The following ATP1B3 variants were observed in gnomAD, a reference collection of about 807,000 sequenced individuals.
The protein encoded by ATP1B3 is ATPase Na+/K+ transporting subunit beta 3.
In ATP1B3, 10 loss-of-function variants were observed where a neutral mutation model predicts 30.2. That is an observed-to-expected ratio of 0.33 (90% CI 0.20 to 0.56). The LOEUF (loss-of-function observed/expected upper bound fraction) is 0.56. Among genes scored for constraint, ATP1B3 ranks in the 20% least tolerant of loss-of-function variants. The probability of loss-of-function intolerance (pLI) is 0.90; values close to 1 mark genes in which losing one functional copy is unlikely to be tolerated. For synonymous variants in ATP1B3, 113 were observed against 117.0 expected, an observed-to-expected ratio of 0.97 and a Z score of 0.22; for missense variants, 238 against 336.7, an observed-to-expected ratio of 0.71 and a Z score of 2.29.
At chr3:141,920,463 G>T (rs1934546700) in intron 5 of ATP1B3, among the ~76,000 whole-genome samples, 1 of 151,772 alleles carries the variant, frequency 6.6e-6, no homozygotes, top group Non-Finnish European at 1.5e-5. Context: ...GGAGGAGGAG[G>T]CTGCAGTGAG....
intron 3 of ATP1B3, among the ~76,000 whole-genome samples, chr3:141,909,688 T>G (rs1161667662): frequency 6.6e-6 from 1 of 152,198 alleles, no homozygotes; most frequent in Non-Finnish European, 1.5e-5. Context: ...AGACTGAGGT[T>G]AGGGAGTTAA....
At position 141,926,396 on chromosome 3, in the gene ATP1B3, A is replaced by G. The variant is rs1934662112; in HGVS notation, c.*695A>G. 1 of 152,156 alleles carries G rather than the reference A, an allele frequency of 6.6e-6. No homozygotes were observed. The highest frequency in any genetic ancestry group is 2.1e-4 in the South Asian group (1 of 4,828). The allele number at this position is 152,156 out of a possible 1,614,324, so 9.4% of individuals were successfully genotyped here. On this transcript the variant is annotated 3_prime_UTR_variant, in exon 7 of 7. Coordinates refer to ENST00000286371, the MANE Select transcript of ATP1B3 (RefSeq NM_001679.4). ...GGTTAGCCAGTGTGACTATGCACCT[A>G]ATTTTTTATGAGATTAAATTCATAA... is the stretch of plus-strand genomic sequence containing the variant.
chr3:141,891,531 A>C (rs977467293), intron 1 of ATP1B3, among the ~76,000 whole-genome samples: 13 of 152,116 alleles, frequency 8.5e-5, no homozygotes, highest in African/African-American at 3.1e-4. Context: ...ACATTTACTA[A>C]TTGAAAACAC....
At chr3:141,907,783 G>A (rs1226224088) in intron 3 of ATP1B3, among the ~76,000 whole-genome samples, 1 of 152,034 alleles carries the variant, frequency 6.6e-6, no homozygotes, top group Non-Finnish European at 1.5e-5. Flanking sequence ...TCTAACTATA[G>A]AAAGACACAG....
At chr3:141,921,830 C>G (rs768374631) in intron 5 of ATP1B3, 147 bp from the exon 6 acceptor site, 17 of 500,330 alleles carry the variant, frequency 3.4e-5, no homozygotes, top group Non-Finnish European at 5.7e-5. Flanking sequence ...AGCTTCTTCT[C>G]AGAAATACAC....
chr3:141,906,906 A>T (rs1934274161), intron 2 of ATP1B3, among the ~76,000 whole-genome samples: 1 of 152,258 alleles, frequency 6.6e-6, no homozygotes, highest in African/African-American at 2.4e-5. Context: ...TCTTTTAAAA[A>T]GGAAGATTAT....
chr3:141,916,506 A>G, intron 5 of ATP1B3: 1 of 1,250,574 alleles, frequency 8.0e-7, no homozygotes, highest in Non-Finnish European at 1.0e-6. Flanking sequence ...TGCAGTTTTC[A>G]TCTCATAACT....
At chr3:141,915,096 AT>A (rs752418640) in intron 4 of ATP1B3, among the ~76,000 whole-genome samples, 13 of 152,204 alleles carry the variant, frequency 8.5e-5, no homozygotes, top group Non-Finnish European at 1.6e-4. Context: ...ATTGCTGAAC[AT>A]TTGTTCCCAG....
chr3:141,914,795 GC>G (rs1934426858), intron 4 of ATP1B3, among the ~76,000 whole-genome samples: 1 of 152,204 alleles, frequency 6.6e-6, no homozygotes, highest in African/African-American at 2.4e-5. Context: ...GGGAGAACCA[GC>G]TAGGCCCTGA....
chr3:141,881,328 GTATTAA>G (rs1933722499), intron 1 of ATP1B3, among the ~76,000 whole-genome samples: 1 of 152,082 alleles, frequency 6.6e-6, no homozygotes. Context: ...TAAATGCTTT[GTATTAA>G]TATTAACTTA....
At chr3:141,896,050 G>C in intron 1 of ATP1B3, among the ~76,000 whole-genome samples, 1 of 152,080 alleles carries the variant, frequency 6.6e-6, no homozygotes, top group East Asian at 1.9e-4. Context: ...TCTTTTGCCT[G>C]CTTCAAAAAA....
intron 1 of ATP1B3, chr3:141,902,235 G>C (rs552878376): frequency 6.4e-6 from 8 of 1,249,770 alleles, no homozygotes; most frequent in South Asian, 3.8e-5. Flanking sequence ...CTGGTAATTG[G>C]GGGGGAGGGG....
At chr3:141,915,892 T>C in intron 4 of ATP1B3, 78 bp from the exon 5 acceptor site, 1 of 1,145,512 alleles carries the variant, frequency 8.7e-7, no homozygotes, top group Non-Finnish European at 1.3e-6. Flanking sequence ...CTTCACCCCT[T>C]GTTCCCAGCA....
intron 5 of ATP1B3, among the ~76,000 whole-genome samples, chr3:141,917,320 G>T (rs1430934135): frequency 4.6e-5 from 7 of 151,984 alleles, no homozygotes; most frequent in African/African-American, 1.7e-4. Context: ...TTCTCATCTG[G>T]GTTGAAATTA....
intron 1 of ATP1B3, among the ~76,000 whole-genome samples, chr3:141,891,480 ATTT>A (rs936742326): frequency 2.6e-5 from 4 of 152,188 alleles, no homozygotes; most frequent in Non-Finnish European, 5.9e-5. Flanking sequence ...TGGTTTGAAC[ATTT>A]TAATTTTCCT....
rs138906249 is a variant in ATP1B3 at position 141,880,976 on chromosome 3, G to A, written c.109+4066G>A. On this transcript the variant is annotated intron_variant, in intron 1 of 6. Transcript: ENST00000286371. ...TCCCAGCACTTTGGGAGACTGAGGC[G>A]GGCGGATCACCTGAAGTCAGAGTTC... is the stretch of plus-strand genomic sequence containing the variant. Among the ~76,000 whole-genome samples the A allele has an allele frequency of 1.2e-3, 185 of 152,246 alleles. 2 individuals are homozygous for A. The highest frequency in any genetic ancestry group is 4.4e-3 in the African/African-American group (181 of 41,554).
At chr3:141,917,598 G>T (rs2107778326) in intron 5 of ATP1B3, among the ~76,000 whole-genome samples, 1 of 151,914 alleles carries the variant, frequency 6.6e-6, no homozygotes, top group South Asian at 2.1e-4. Flanking sequence ...GGAGACGGAG[G>T]CAAAGGAACC....
intron 1 of ATP1B3, among the ~76,000 whole-genome samples, chr3:141,885,488 GC>G (rs1291761485): frequency 6.6e-6 from 1 of 151,142 alleles, no homozygotes; most frequent in Admixed American, 6.6e-5. Flanking sequence ...CGCTCTTGTT[GC>G]CAAGGCTGGA....
intron 2 of ATP1B3, among the ~76,000 whole-genome samples, chr3:141,904,699 C>CA (rs1934231011): frequency 7.9e-6 from 1 of 126,862 alleles, no homozygotes; most frequent in Non-Finnish European, 1.7e-5. Context: ...TCTTTTTAAA[C>CA]AGTCTTTTTT....
Sources: gnomAD v4.1 joint callset for allele counts (sites outside exome capture counted in the v4.1 genomes callset) on GRCh38, gnomAD v4.1.1 for gene constraint, MANE v1.5 for transcripts, NCBI Gene and HGNC (gene_info 2026-07-23, HGNC 2026-07-21) for gene names.